TTC33: variants seen among roughly 807,000 people sequenced by gnomAD.
TTC33 encodes tetratricopeptide repeat protein 33.
A neutral mutation model predicts 29.4 loss-of-function variants in TTC33; 24 were observed. The observed-to-expected ratio is 0.82, with a 90% confidence interval of 0.59 to 1.15. The LOEUF is 1.15. Ranked by LOEUF, TTC33 falls within the 50% of genes most tolerant of loss-of-function variation. The pLI, the probability that TTC33 is intolerant of heterozygous loss-of-function variation, is 0.00. For missense variants in TTC33, 286 were observed against 310.4 expected (o/e 0.92, Z 0.59); for synonymous variants, 107 against 100.3 (o/e 1.07, Z -0.40).
At chr5:40,742,652 T>C (rs1742718256) in intron 2 of TTC33, among the ~76,000 whole-genome samples, 1 of 152,078 alleles carries the variant, frequency 6.6e-6, no homozygotes, top group Admixed American at 6.6e-5. Context: ...GTAAGGGTTA[T>C]GAGAAAAAGA....
chr5:40,750,772 ACCATGTTAACAG>A (rs985999215), intron 1 of TTC33, among the ~76,000 whole-genome samples: 9 of 152,178 alleles, frequency 5.9e-5, no homozygotes, highest in African/African-American at 2.2e-4. Flanking sequence ...TGTCATTTCA[ACCATGTTAACAG>A]CATCTTCACC....
chr5:40,731,687 C>T (rs528792954), intron 2 of TTC33, among the ~76,000 whole-genome samples: 7 of 152,174 alleles, frequency 4.6e-5, no homozygotes, highest in African/African-American at 9.7e-5. Context: ...ATCCTTGACA[C>T]GGGGATTATT....
intron 2 of TTC33, among the ~76,000 whole-genome samples, chr5:40,734,027 C>T (rs778079146): frequency 1.3e-5 from 2 of 152,172 alleles, no homozygotes; most frequent in African/African-American, 2.4e-5. Context: ...CAGAGGCATC[C>T]CTCAATGAAA....
intron 4 of TTC33, among the ~76,000 whole-genome samples, chr5:40,725,078 C>A (rs1742249621): frequency 6.6e-6 from 1 of 151,894 alleles, no homozygotes; most frequent in Non-Finnish European, 1.5e-5. Flanking sequence ...AAACTCCTGA[C>A]CTCAGGTGAT....
chr5:40,749,472 T>TAAAGA (rs1213303030), intron 1 of TTC33, among the ~76,000 whole-genome samples: 1 of 151,780 alleles, frequency 6.6e-6, no homozygotes, highest in African/African-American at 2.4e-5. Flanking sequence ...CCAAAAAACA[T>TAAAGA]AAAGAAAAGA....
intron 3 of TTC33, among the ~76,000 whole-genome samples, chr5:40,729,664 A>C (rs1015599992): frequency 6.6e-6 from 1 of 152,186 alleles, no homozygotes; most frequent in South Asian, 2.1e-4. Flanking sequence ...TTTTTCATCT[A>C]AGAGCTCAAC....
chr5:40,718,733 GT>G (rs1314745372), intron 4 of TTC33, among the ~76,000 whole-genome samples: 3 of 149,978 alleles, frequency 2.0e-5, no homozygotes, highest in Non-Finnish European at 3.0e-5. Context: ...GCAAGATTCC[GT>G]CTCGAAAAAA....
At position 40,729,308 on chromosome 5, in the gene TTC33, C is replaced by T. The variant is rs151068485; in HGVS notation, c.304-832G>A. ...AATGTGTGTCCTATATTTGAGATCA[C>T]GATTTGAAAAATATTTGTTAGGTGT... On this transcript the variant is annotated intron_variant, in intron 3 of 4. Coordinates refer to ENST00000337702, the MANE Select transcript of TTC33 (RefSeq NM_012382.3). 7.4e-4 allele frequency among the ~76,000 whole-genome samples: 113 copies of T among 152,204 alleles called. 1 individual carries two copies. The highest frequency in any genetic ancestry group is 1.2e-3 in the Admixed American group (18 of 15,300).
At position 40,730,277 on chromosome 5, in the gene TTC33, G is replaced by C. The variant is rs1336015965; in HGVS notation, c.288C>G (p.Tyr96Ter). The change falls in exon 3 of 5, where the codon TAC becomes TAG. Residue 96 changes from tyrosine to a stop codon, truncating the protein, a stop_gained. Coordinates refer to ENST00000337702, the MANE Select transcript of TTC33 (RefSeq NM_012382.3). LOFTEE classifies it high-confidence loss of function. Reference sequence around the variant, plus strand: ...TAATTATTACCTGTGATTTCATCTCGTATAGGGTAGCATCATTTGGAGTTA... The same window carrying C: ...TAATTATTACCTGTGATTTCATCTCCTATAGGGTAGCATCATTTGGAGTTA... ...LQLTPNDATLYEMKSQVLMSL... is the reference protein window; with the variant it reads ...LQLTPNDATL 1.2e-6 allele frequency: 2 copies of C among 1,607,176 alleles called. No homozygotes were observed. Among genetic ancestry groups the C allele is most frequent in the Admixed American group, 3.3e-5 (2 of 59,890 alleles).
At chr5:40,737,485 A>G (rs1329401747) in intron 2 of TTC33, among the ~76,000 whole-genome samples, 1 of 152,230 alleles carries the variant, frequency 6.6e-6, no homozygotes, top group African/African-American at 2.4e-5. Context: ...AATTCAGAAC[A>G]CAAAGACATC....
At chr5:40,729,705 A>AT (rs1742378597) in intron 3 of TTC33, among the ~76,000 whole-genome samples, 1 of 151,802 alleles carries the variant, frequency 6.6e-6, no homozygotes, top group South Asian at 2.1e-4. Context: ...TTATTTACTT[A>AT]TTTATTTTTT....
rs1159918501 is a variant in TTC33 at position 40,711,576 on chromosome 5, T to C, written c.*4569A>G. ...TGAACACATATGTCCACACATAGAA[T>C]TGTGATTTATATATATAGCAGCTTT... On this transcript the variant is annotated 3_prime_UTR_variant, in exon 5 of 5. Transcript: ENST00000337702. Among the ~76,000 whole-genome samples the C allele has an allele frequency of 6.6e-6, 1 of 152,108 alleles. No individual in the cohort carries two copies. The highest frequency in any genetic ancestry group is 2.4e-5 in the African/African-American group (1 of 41,424).
At chr5:40,749,039 T>G (rs564445146) in intron 1 of TTC33, among the ~76,000 whole-genome samples, 1 of 152,064 alleles carries the variant, frequency 6.6e-6, no homozygotes, top group African/African-American at 2.4e-5. Context: ...GGCAAGAGAA[T>G]TGCTTGAACC....
At chr5:40,730,436 T>A in intron 2 of TTC33, 93 bp from the exon 3 acceptor site, 1 of 967,746 alleles carries the variant, frequency 1.0e-6, no homozygotes, top group Non-Finnish European at 1.6e-6. Flanking sequence ...ATATAAAATT[T>A]ACCATCTTAA....
chr5:40,737,116 C>T (rs1281568299), intron 2 of TTC33, among the ~76,000 whole-genome samples: 1 of 151,918 alleles, frequency 6.6e-6, no homozygotes, highest in East Asian at 1.9e-4. Flanking sequence ...GGCAACATGG[C>T]AAAACCCCAT....
At chr5:40,728,682 C>T (rs1293175202) in intron 3 of TTC33, among the ~76,000 whole-genome samples, 2 of 151,980 alleles carry the variant, frequency 1.3e-5, no homozygotes, top group Admixed American at 1.3e-4. Flanking sequence ...TAAACGATTC[C>T]CTTTCCAGTT....
chr5:40,730,168 T>G, intron 3 of TTC33, 94 bp downstream of exon 3: 1 of 907,500 alleles, frequency 1.1e-6, no homozygotes, highest in Non-Finnish European at 1.7e-6. Flanking sequence ...TAAAAGAAAA[T>G]GGGAGAAAAT....
In TTC33 at chr5:40,737,299, C is replaced by CAA. The variant is rs574558543; in HGVS notation, c.222-6958_222-6957dup. The stretch of plus-strand genomic sequence containing the variant: ...TGGGCAACAGAGTGAGGCTCCACCT[C>CAA]AAAAAAAAAAAAAAGACTGGGGACT... On this transcript the variant is annotated intron_variant, in intron 2 of 4. Coordinates refer to ENST00000337702, the MANE Select transcript of TTC33 (RefSeq NM_012382.3). Among the ~76,000 whole-genome samples the CAA allele has an allele frequency of 4.3e-4, 50 of 116,418 alleles. No individual in the cohort carries two copies. The South Asian group carries it at 0.012, about 27-fold the overall frequency. The allele number at this position is 116,418 out of a possible 152,430, so 76.4% of individuals were successfully genotyped here.
rs1336303362 is a variant in TTC33, at chr5:40,747,012, A to C, written c.7T>G (p.Ser3Ala). MA[S>A]FGWKRKIGEK... is the part of the protein sequence containing the mutation. ...CCAATTTTCCTCTTCCACCCAAAGG[A>C]AGCCATTCTGGAAAATTACAAAGAA... Residue 3 changes from serine (S) to alanine (A), a missense_variant, in exon 2 of 5, where the codon TCC (serine) becomes GCC (alanine). Physicochemically the swap from Ser to Ala is moderately conservative, Grantham distance 99 (BLOSUM62 1). Transcript: ENST00000337702. 6.2e-7 allele frequency: 1 copy of C among 1,605,686 alleles called. No homozygotes were observed. Among genetic ancestry groups the C allele is most frequent in the East Asian group, 2.2e-5 (1 of 44,860 alleles).
Sources: gnomAD v4.1 joint callset for allele counts (sites outside exome capture counted in the v4.1 genomes callset) on GRCh38, gnomAD v4.1.1 for gene constraint, MANE v1.5 for transcripts, NCBI Gene and HGNC (gene_info 2026-07-23, HGNC 2026-07-21) for gene names.